QTMAN: variants seen among roughly 807,000 people sequenced by gnomAD.
QTMAN encodes the protein tRNA-queuosine alpha-mannosyltransferase.
the QTMAN span, among the ~76,000 whole-genome samples, chr2:144,108,880 A>G: frequency 2.6e-5 from 4 of 152,152 alleles, no homozygotes; most frequent in African/African-American, 9.7e-5. Flanking sequence ...TCTTCAAGAA[A>G]AACTACAAAC....
chr2:144,236,408 T>C, the QTMAN span, among the ~76,000 whole-genome samples: 5 of 152,184 alleles, frequency 3.3e-5, no homozygotes, highest in Admixed American at 6.5e-5. Flanking sequence ...TTACCATATA[T>C]ACCCAAGGGT....
At chr2:144,274,267 C>T in the QTMAN span, among the ~76,000 whole-genome samples, 1 of 152,224 alleles carries the variant, frequency 6.6e-6, no homozygotes, top group African/African-American at 2.4e-5. Flanking sequence ...CAGTTCCTGA[C>T]AGAGCTCCTA....
chr2:144,321,762 C>A, the QTMAN span, among the ~76,000 whole-genome samples: 13 of 151,962 alleles, frequency 8.6e-5, no homozygotes, highest in Admixed American at 8.5e-4. Flanking sequence ...ACTACCACAC[C>A]GGGCTAATTT....
At chr2:144,268,865 C>G in the QTMAN span, among the ~76,000 whole-genome samples, 6 of 152,188 alleles carry the variant, frequency 3.9e-5, no homozygotes, top group Non-Finnish European at 7.3e-5. Flanking sequence ...TCTCGGCTCA[C>G]TGCAACCTCC....
chr2:143,991,683 A>G, the QTMAN span, among the ~76,000 whole-genome samples: 6 of 100,974 alleles, frequency 5.9e-5, no homozygotes, highest in African/African-American at 2.3e-4. Context: ...TCTGGGAGGG[A>G]GGTGGGGGGT....
At chr2:144,124,780 T>A in the QTMAN span, among the ~76,000 whole-genome samples, 8 of 152,250 alleles carry the variant, frequency 5.3e-5, no homozygotes, top group East Asian at 9.7e-4. Context: ...TTTTTCCAAA[T>A]GAAAACCCAA....
chr2:144,188,688 C>A, the QTMAN span, among the ~76,000 whole-genome samples: 1 of 151,866 alleles, frequency 6.6e-6, no homozygotes, highest in Admixed American at 6.6e-5. Context: ...ACCTAGAGAC[C>A]AAAGCATGAT....
At chr2:144,271,077 T>A in the QTMAN span, among the ~76,000 whole-genome samples, 1 of 152,250 alleles carries the variant, frequency 6.6e-6, no homozygotes, top group Non-Finnish European at 1.5e-5. Context: ...CTAATTCTTA[T>A]TAGTTTTTTC....
the QTMAN span, among the ~76,000 whole-genome samples, chr2:144,321,644 C>T: frequency 1.3e-5 from 2 of 152,134 alleles, no homozygotes; most frequent in South Asian, 4.1e-4. Flanking sequence ...CACTCTGTCA[C>T]CCAGGCTGAA....
At chr2:144,024,548 T>C in the QTMAN span, among the ~76,000 whole-genome samples, 2 of 152,188 alleles carry the variant, frequency 1.3e-5, no homozygotes, top group African/African-American at 4.8e-5. Context: ...TGGAAGAATA[T>C]AAAAAGTATA....
chr2:144,077,603 T>C, the QTMAN span, among the ~76,000 whole-genome samples: 4 of 152,236 alleles, frequency 2.6e-5, no homozygotes, highest in South Asian at 2.1e-4. Flanking sequence ...TTTTCAGAAA[T>C]TGTATTAACT....
chr2:144,083,093 G>T, the QTMAN span, among the ~76,000 whole-genome samples: 1 of 128,736 alleles, frequency 7.8e-6, no homozygotes, highest in South Asian at 2.6e-4. Flanking sequence ...AATGCCTTAG[G>T]CTTGGATCTA....
the QTMAN span, among the ~76,000 whole-genome samples, chr2:144,219,881 G>A: frequency 1.3e-5 from 2 of 152,124 alleles, no homozygotes; most frequent in African/African-American, 4.8e-5. Context: ...TATTGATACT[G>A]CTCTCATCTC....
At chr2:144,262,936 A>C in the QTMAN span, among the ~76,000 whole-genome samples, 1 of 67,988 alleles carries the variant, frequency 1.5e-5, no homozygotes, top group Non-Finnish European at 2.8e-5. Context: ...GGGAGAGGGA[A>C]GAGGGGAGGG....
chr2:143,985,018 C>A, the QTMAN span, among the ~76,000 whole-genome samples: 6 of 152,206 alleles, frequency 3.9e-5, no homozygotes. Context: ...TTAACCTTAG[C>A]CATCTGCAGA....
chr2:144,161,885 T>C, the QTMAN span, among the ~76,000 whole-genome samples: 1 of 152,190 alleles, frequency 6.6e-6, no homozygotes, highest in Non-Finnish European at 1.5e-5. Flanking sequence ...TTACCATAGA[T>C]TCTATTTATG....
chr2:144,062,842 C>T, the QTMAN span, among the ~76,000 whole-genome samples: 1 of 152,168 alleles, frequency 6.6e-6, no homozygotes, highest in East Asian at 1.9e-4. Flanking sequence ...TGGTTCTACT[C>T]TTAATAACAG....
the QTMAN span, among the ~76,000 whole-genome samples, chr2:143,991,976 G>A: frequency 9.2e-5 from 14 of 151,524 alleles, no homozygotes; most frequent in East Asian, 3.9e-4. Flanking sequence ...CTGCCCGGCC[G>A]CCCCTACTGG....
the QTMAN span, among the ~76,000 whole-genome samples, chr2:144,031,019 C>G: frequency 6.6e-6 from 1 of 152,106 alleles, no homozygotes; most frequent in Non-Finnish European, 1.5e-5. Flanking sequence ...TCTGTTCGTT[C>G]GAGTGGGAAC....
Sources: allele counts gnomAD v4.1 joint callset (sites outside exome capture counted in the v4.1 genomes callset), GRCh38; gene constraint gnomAD v4.1.1; transcripts MANE v1.5; gene names NCBI Gene and HGNC (gene_info 2026-07-23, HGNC 2026-07-21).